Variants in DBT observed in about 807,000 individuals in gnomAD.
The protein encoded by DBT is dihydrolipoamide branched chain transacylase E2.
In DBT, 40 loss-of-function variants were observed where a neutral mutation model predicts 51.3. The ratio of observed to expected loss-of-function variants is 0.78; its 90% confidence interval spans 0.61 to 1.02. The LOEUF (loss-of-function observed/expected upper bound fraction) is 1.02. Ranked by LOEUF, DBT falls within the 50% of genes least tolerant of loss-of-function variation. DBT has a pLI of 0.00. For missense variants in DBT, 510 were observed against 580.2 expected (o/e 0.88, Z 1.24); for synonymous variants, 181 against 190.4 (o/e 0.95, Z 0.41).
rs375405139 is a variant in DBT at position 100,212,479 on chromosome 1, G to C, written c.940-1708C>G. ...TTGAACCCAGGAGTTCAAGGTTGCA[G>C]TGAGCTGTGATTGTGCCACTGCACT... On this transcript the variant is annotated intron_variant, in intron 7 of 10. Transcript: ENST00000370132. 2.6e-5 allele frequency among the ~76,000 whole-genome samples: 4 copies of C among 151,984 alleles called. No individual in the cohort carries two copies. In the South Asian group the frequency reaches 8.3e-4, roughly 32 times the overall value.
At position 100,195,566 on chromosome 1, in the gene DBT, T is replaced by C. The variant is rs1661039643; in HGVS notation, c.*689A>G. 1 of 152,254 alleles carries C rather than the reference T, an allele frequency of 6.6e-6. No homozygotes were observed. Among genetic ancestry groups the C allele is most frequent in the African/African-American group, 2.4e-5 (1 of 41,460 alleles). 9.4% of individuals were successfully genotyped at this position (152,254 alleles called of 1,614,324 possible). A position where few individuals can be genotyped will look rare whatever the true frequency, so the allele number is the denominator to read the frequency against. Reference sequence around the variant, plus strand: ...AAAATATTTTTGTATATAAATTCCATTTCTTAATTAAGTAAAATTAAAGTT... The same window carrying C: ...AAAATATTTTTGTATATAAATTCCACTTCTTAATTAAGTAAAATTAAAGTT... On this transcript the variant is annotated 3_prime_UTR_variant, in exon 11 of 11. Transcript: ENST00000370132.
At chr1:100,232,760 T>C (rs1663621160) in intron 3 of DBT, among the ~76,000 whole-genome samples, 1 of 152,034 alleles carries the variant, frequency 6.6e-6, no homozygotes, top group Non-Finnish European at 1.5e-5. Context: ...TGTGCCACCA[T>C]GCCAGGCTAA....
intron 8 of DBT, among the ~76,000 whole-genome samples, chr1:100,210,326 A>AATC (rs1337266285): frequency 6.9e-5 from 1 of 14,414 alleles, no homozygotes; most frequent in Non-Finnish European, 5.7e-4. Context: ...TAATAATAAT[A>AATC]AGAAGAAGAA....
At chr1:100,223,838 TA>T (rs541926718) in intron 4 of DBT, among the ~76,000 whole-genome samples, 54 of 147,826 alleles carry the variant, frequency 3.7e-4, no homozygotes, top group Admixed American at 1.1e-3. Context: ...TAATGTTAAG[TA>T]AAAAAAAAAA....
At chr1:100,235,394 T>C in intron 3 of DBT, 42 bp downstream of exon 3, 2 of 963,650 alleles carry the variant, frequency 2.1e-6, no homozygotes, top group Non-Finnish European at 3.3e-6. Flanking sequence ...TTACTCAAAT[T>C]ATTTTTAAAT....
At position 100,206,236 on chromosome 1, in the gene DBT, T is replaced by C. The variant is rs1570806049; in HGVS notation, c.1275A>G (p.Ser425=). Residue 425 remains serine (S), a synonymous_variant, in exon 10 of 11, where the codon TCA becomes TCG. Coordinates refer to ENST00000370132, the MANE Select transcript of DBT (RefSeq NM_001918.5). ...PPEVAIGALG[S]IKAIPRFNQK... is the part of the protein sequence containing the mutation. ...AGTTATCTAATACATGTACCTTAAT[T>C]GATCCAAGGGCCCCAATGGCTACTT... The C allele has an allele frequency of 6.2e-7, 1 of 1,611,168 alleles. No homozygotes were observed. Among genetic ancestry groups the C allele is most frequent in the Admixed American group, 1.7e-5 (1 of 59,948 alleles).
intron 4 of DBT, among the ~76,000 whole-genome samples, chr1:100,229,783 G>T (rs1663434097): frequency 6.6e-6 from 1 of 152,094 alleles, no homozygotes; most frequent in Non-Finnish European, 1.5e-5. Flanking sequence ...CAAAACTTTG[G>T]TATACCACAA....
At position 100,196,099 on chromosome 1, in the gene DBT, G is replaced by C; in HGVS notation, c.*156C>G. 1 of 720,114 alleles carries C rather than the reference G, an allele frequency of 1.4e-6. No homozygotes were observed. The highest frequency in any genetic ancestry group is 1.7e-5 in the South Asian group (1 of 59,268). The allele number at this position is 720,114 out of a possible 1,614,324, so 44.6% of individuals were successfully genotyped here. A position where few individuals can be genotyped will look rare whatever the true frequency, so the allele number is the denominator to read the frequency against. On this transcript the variant is annotated 3_prime_UTR_variant, in exon 11 of 11. Coordinates refer to ENST00000370132, the MANE Select transcript of DBT (RefSeq NM_001918.5). ...CACCATTATTCATTTTCAGTAAAAA[G>C]TCTAATAGAACAGTGACAAATATTG... is the stretch of plus-strand genomic sequence containing the variant.
At chr1:100,202,374 T>C (rs1267438347) in intron 10 of DBT, among the ~76,000 whole-genome samples, 2 of 152,198 alleles carry the variant, frequency 1.3e-5, no homozygotes, top group African/African-American at 2.4e-5. Context: ...CCTAAATATA[T>C]ATGCACCCAA....
chr1:100,248,162 AAC>A (rs1409451009), intron 1 of DBT, among the ~76,000 whole-genome samples: 1 of 151,810 alleles, frequency 6.6e-6, no homozygotes. Flanking sequence ...GGGGCCATGT[AAC>A]ACAGTTCTGG....
At chr1:100,199,784 G>A (rs909758728) in intron 10 of DBT, among the ~76,000 whole-genome samples, 1 of 152,176 alleles carries the variant, frequency 6.6e-6, no homozygotes, top group Non-Finnish European at 1.5e-5. Context: ...TCACCTGGGA[G>A]GCGCAAGGGG....
rs191651595 is a variant in DBT, at chr1:100,221,533, G to C, written c.434-2786C>G. ...TCTCAATGTTACCAATGTAGAAACG[G>C]ACTCTAAGGGGGATGAAGTTGACCA... On this transcript the variant is annotated intron_variant, in intron 4 of 10. Transcript: ENST00000370132. 5.6e-4 allele frequency among the ~76,000 whole-genome samples: 86 copies of C among 152,230 alleles called. 1 individual carries two copies. In the East Asian group the frequency reaches 0.015, roughly 27 times the overall value.
At position 100,187,149 on chromosome 1, in the gene DBT, A is replaced by G. The variant is rs142504892; in HGVS notation, c.*9106T>C. 7.3e-4 allele frequency: 111 copies of G among 152,350 alleles called. 1 individual carries two copies. Among genetic ancestry groups the G allele is most frequent in the African/African-American group, 2.5e-3 (106 of 41,588 alleles). The allele number at this position is 152,350 out of a possible 1,614,324, so 9.4% of individuals were successfully genotyped here. Reference sequence around the variant, plus strand: ...TGTAAAGATAGTTCTCATATGAAATATATCACCTAAGCAGTAGTAATCAGA... The same window carrying G: ...TGTAAAGATAGTTCTCATATGAAATGTATCACCTAAGCAGTAGTAATCAGA... On this transcript the variant is annotated 3_prime_UTR_variant, in exon 11 of 11. Transcript: ENST00000370132.
intron 7 of DBT, among the ~76,000 whole-genome samples, chr1:100,214,575 C>T (rs542515453): frequency 1.3e-5 from 2 of 152,078 alleles, no homozygotes; most frequent in African/African-American, 2.4e-5. Flanking sequence ...ACCAACATGG[C>T]GAAACCACGT....
intron 3 of DBT, among the ~76,000 whole-genome samples, chr1:100,231,373 C>T (rs1238646644): frequency 6.6e-6 from 1 of 152,124 alleles, no homozygotes; most frequent in Non-Finnish European, 1.5e-5. Flanking sequence ...GTCTTTCTTC[C>T]TAAAATTATT....
Position 100,214,808 on chromosome 1 carries a change from G to A in DBT, c.939+9C>T, listed in dbSNP as rs779947502. 19 of 1,613,038 alleles carry A rather than the reference G, an allele frequency of 1.2e-5. No individual in the cohort carries two copies. Among genetic ancestry groups the A allele is most frequent in the Non-Finnish European group, 1.5e-5 (18 of 1,179,264 alleles). ...TACTCAAGCCTTGTTTGAAATGAAT[G>A]AATCTCACCTTTAAGAAGAAAGGCA... On this transcript the variant is annotated intron_variant, in intron 7 of 10. Transcript: ENST00000370132.
At chr1:100,219,413 G>A (rs1050280692) in intron 4 of DBT, among the ~76,000 whole-genome samples, 9 of 151,928 alleles carry the variant, frequency 5.9e-5, no homozygotes, top group African/African-American at 1.9e-4. Context: ...TTTATAAACA[G>A]CACGGAATAA....
At chr1:100,202,299 A>G (rs978138206) in intron 10 of DBT, among the ~76,000 whole-genome samples, 20 of 152,208 alleles carry the variant, frequency 1.3e-4, no homozygotes, top group African/African-American at 4.1e-4. Flanking sequence ...ACCAACAAAG[A>G]TAAAAAAAAG....
chr1:100,205,590 C>T lies in DBT; in HGVS notation c.1281+640G>A, dbSNP rs1485449529. Among the ~76,000 whole-genome samples, 6 of 152,226 alleles carry T rather than the reference C, an allele frequency of 3.9e-5. No homozygotes were observed. The East Asian group carries it at 7.7e-4, about 20-fold the overall frequency. On this transcript the variant is annotated intron_variant, in intron 10 of 10. Coordinates refer to ENST00000370132, the MANE Select transcript of DBT (RefSeq NM_001918.5). Reference sequence around the variant, plus strand: ...AGAAATACCATTTGACCCAGCAATCCCATTACTGAGTATATACCCAAAGGA... The same window carrying T: ...AGAAATACCATTTGACCCAGCAATCTCATTACTGAGTATATACCCAAAGGA...
Sources: allele counts gnomAD v4.1 joint callset (sites outside exome capture counted in the v4.1 genomes callset), GRCh38; gene constraint gnomAD v4.1.1; transcripts MANE v1.5; gene names NCBI Gene and HGNC (gene_info 2026-07-23, HGNC 2026-07-21).